KLF13: variants seen among roughly 807,000 people sequenced by gnomAD.
KLF13 encodes Krueppel-like factor 13.
In KLF13, 8 loss-of-function variants were observed where a neutral mutation model predicts 16.7. The observed-to-expected ratio is 0.48, with a 90% confidence interval of 0.28 to 0.87. KLF13 has a LOEUF of 0.87. Ranked by LOEUF, KLF13 falls within the 40% of genes least tolerant of loss-of-function variation. The pLI, the probability that KLF13 is intolerant of heterozygous loss-of-function variation, is 0.10. For synonymous variants in KLF13, 245 were observed against 208.4 expected (o/e 1.18, Z -1.51); for missense variants, 447 against 452.2 (o/e 0.99, Z 0.10).
At chr15:31,407,783 G>A (rs1190586523), downstream of KLF13, among the ~76,000 whole-genome samples, 1 of 152,094 alleles carries the variant, frequency 6.6e-6, no homozygotes, top group Non-Finnish European at 1.5e-5. Flanking sequence ...ATAAGTTGAA[G>A]GAGAAAAAAT....
At chr15:31,363,002 C>T (rs2140958266) in intron 1 of KLF13, among the ~76,000 whole-genome samples, 1 of 152,322 alleles carries the variant, frequency 6.6e-6, no homozygotes, top group East Asian at 1.9e-4. Flanking sequence ...AGGAGCATAT[C>T]CCGTTTTGTA....
intron 1 of KLF13, among the ~76,000 whole-genome samples, chr15:31,356,986 T>C (rs2039310804): frequency 6.6e-6 from 1 of 152,210 alleles, no homozygotes; most frequent in Non-Finnish European, 1.5e-5. Flanking sequence ...CAGTTCCTTT[T>C]ATTTGGAGCT....
intron 1 of KLF13, among the ~76,000 whole-genome samples, chr15:31,334,796 ATAAAC>A (rs1316359621): frequency 6.6e-6 from 1 of 152,210 alleles, no homozygotes; most frequent in African/African-American, 2.4e-5. Context: ...CGAGATGGGA[ATAAAC>A]TTTTCTCCAG....
chr15:31,330,841 C>T (rs974895944), intron 1 of KLF13, among the ~76,000 whole-genome samples: 5 of 152,214 alleles, frequency 3.3e-5, no homozygotes, highest in Admixed American at 3.3e-4. Flanking sequence ...ATTAGAACTT[C>T]CGAGTCCAGA....
At chr15:31,423,130 TACGTATACGTATAC>T (rs2040355603) in intron 1 of KLF13, among the ~76,000 whole-genome samples, 1 of 108,680 alleles carries the variant, frequency 9.2e-6, no homozygotes, top group African/African-American at 4.9e-5. Flanking sequence ...TACGTATATA[TACGTATACGTATAC>T]GTATATATAC....
chr15:31,433,023 G>A (rs545269325), intron 1 of KLF13, among the ~76,000 whole-genome samples: 39 of 152,278 alleles, frequency 2.6e-4, no homozygotes, highest in Non-Finnish European at 4.7e-4. Flanking sequence ...CAGCCTGGGC[G>A]ACAGAGCGAG....
At chr15:31,328,712 T>C (rs147720548) in intron 1 of KLF13, among the ~76,000 whole-genome samples, 229 of 152,292 alleles carry the variant, frequency 1.5e-3, no homozygotes, top group African/African-American at 5.2e-3. Flanking sequence ...CCCGATACTT[T>C]GTAGTTGATT....
intron 1 of KLF13, chr15:31,420,314 G>T (rs2040305912): frequency 6.2e-6 from 6 of 966,570 alleles, no homozygotes; most frequent in Non-Finnish European, 1.6e-6. Context: ...TTTCAAATGG[G>T]TAGGGACCAT....
At chr15:31,416,175 A>C (rs1440375930) in intron 1 of KLF13, among the ~76,000 whole-genome samples, 1 of 152,168 alleles carries the variant, frequency 6.6e-6, no homozygotes, top group Non-Finnish European at 1.5e-5. Context: ...GTAATAAAAA[A>C]CTACCCACTA....
chr15:31,405,093 G>A (rs1237643400), downstream of KLF13, among the ~76,000 whole-genome samples: 3 of 152,214 alleles, frequency 2.0e-5, no homozygotes, highest in Non-Finnish European at 4.4e-5. Context: ...GGTATTAGGA[G>A]GAGGAAACTT....
chr15:31,354,732 C>T (rs1422935965), intron 1 of KLF13, among the ~76,000 whole-genome samples: 2 of 152,104 alleles, frequency 1.3e-5, no homozygotes, highest in Non-Finnish European at 2.9e-5. Context: ...AGACAGATGC[C>T]CACATCTTCA....
chr15:31,347,668 A>G (rs1364639714), intron 1 of KLF13, among the ~76,000 whole-genome samples: 1 of 152,204 alleles, frequency 6.6e-6, no homozygotes, highest in East Asian at 1.9e-4. Flanking sequence ...AAGGCAAGAA[A>G]TGGCTAAAGG....
At chr15:31,407,206 G>A (rs1361991144), downstream of KLF13, among the ~76,000 whole-genome samples, 5 of 152,146 alleles carry the variant, frequency 3.3e-5, no homozygotes, top group Admixed American at 2.6e-4. Context: ...AGCTGGGTGT[G>A]GTAGCTCACA....
intron 1 of KLF13, among the ~76,000 whole-genome samples, chr15:31,367,903 G>A (rs1387603616): frequency 1.3e-5 from 2 of 152,190 alleles, no homozygotes; most frequent in African/African-American, 2.4e-5. Context: ...AAAAGCAACC[G>A]AAACTTACTC....
intron 1 of KLF13, among the ~76,000 whole-genome samples, chr15:31,331,277 C>G (rs769942341): frequency 6.6e-6 from 1 of 152,174 alleles, no homozygotes; most frequent in Non-Finnish European, 1.5e-5. Flanking sequence ...CTGCAGAACC[C>G]GAGGCATGTT....
intron 1 of KLF13, among the ~76,000 whole-genome samples, chr15:31,383,076 C>T (rs1482781794): frequency 6.6e-6 from 1 of 152,230 alleles, no homozygotes; most frequent in African/African-American, 2.4e-5. Context: ...GCATAATCAG[C>T]AGACTTCCTC....
At chr15:31,340,597 T>C (rs1413831445) in intron 1 of KLF13, among the ~76,000 whole-genome samples, 2 of 152,336 alleles carry the variant, frequency 1.3e-5, no homozygotes, top group Middle Eastern at 3.4e-3. Flanking sequence ...TTTTTAGTGT[T>C]TAAGAAAAAA....
At chr15:31,344,769 GA>G (rs540875186) in intron 1 of KLF13, among the ~76,000 whole-genome samples, 14 of 150,552 alleles carry the variant, frequency 9.3e-5, no homozygotes, top group African/African-American at 3.4e-4. Flanking sequence ...ATCCAGTGCA[GA>G]AAAGAGCTGG....
rs1299280895 is a variant in KLF13 at position 31,327,136 on chromosome 15, C to T, written c.-77C>T. 2 of 1,186,814 alleles carry T rather than the reference C, an allele frequency of 1.7e-6. No individual in the cohort carries two copies. The highest frequency in any genetic ancestry group is 3.1e-5 in the South Asian group (1 of 32,118). The allele number at this position is 1,186,814 out of a possible 1,614,324, so 73.5% of individuals were successfully genotyped here. A position where few individuals can be genotyped will look rare whatever the true frequency, so the allele number is the denominator to read the frequency against. On this transcript the variant is annotated 5_prime_UTR_variant, in exon 1 of 2. Coordinates refer to ENST00000307145, the MANE Select transcript of KLF13 (RefSeq NM_015995.4). Reference sequence around the variant, plus strand: ...GCGCCGCGCCCCCGCCCCCCGCCCGCTCTCCCGAGGCCGTGGGTGCGGATG... The same window carrying T: ...GCGCCGCGCCCCCGCCCCCCGCCCGTTCTCCCGAGGCCGTGGGTGCGGATG...
Sources: gnomAD v4.1 joint callset for allele counts (sites outside exome capture counted in the v4.1 genomes callset) on GRCh38, gnomAD v4.1.1 for gene constraint, MANE v1.5 for transcripts, NCBI Gene and HGNC (gene_info 2026-07-23, HGNC 2026-07-21) for gene names.